TTC21A: variants seen among roughly 807,000 people sequenced by gnomAD.
TTC21A encodes the protein tetratricopeptide repeat domain 21A.
In TTC21A, 128 loss-of-function variants were observed where a neutral mutation model predicts 156.4. That is an observed-to-expected ratio of 0.82 (90% CI 0.71 to 0.95). The LOEUF (loss-of-function observed/expected upper bound fraction) is 0.95. Ranked by LOEUF, TTC21A falls within the 40% of genes least tolerant of loss-of-function variation. The pLI is 0.00. For synonymous variants in TTC21A, 587 were observed against 617.1 expected (o/e 0.95, Z 0.72); for missense variants, 1,435 against 1,602.3 (o/e 0.90, Z 1.78).
intron 6 of TTC21A, 146 bp from the exon 7 acceptor site, chr3:39,117,923 C>A: frequency 1.5e-6 from 1 of 672,802 alleles, no homozygotes; most frequent in South Asian, 1.7e-5. Flanking sequence ...TTATTCTGAG[C>A]AGCTTGTGCC....
chr3:39,125,856 G>A (rs568164363), intron 11 of TTC21A, among the ~76,000 whole-genome samples: 6 of 152,336 alleles, frequency 3.9e-5, no homozygotes, highest in East Asian at 1.9e-4. Context: ...GCCTTTATCC[G>A]AGATGAGAAT....
chr3:39,135,011 A>AC, intron 21 of TTC21A, 82 bp from the exon 22 acceptor site: 4 of 1,169,196 alleles, frequency 3.4e-6, no homozygotes, highest in Non-Finnish European at 3.8e-6. Context: ...TACCACCATC[A>AC]CCCCCATACC....
chr3:39,126,515 CA>C, intron 12 of TTC21A, 125 bp downstream of exon 12: 1 of 1,028,826 alleles, frequency 9.7e-7, no homozygotes, highest in Non-Finnish European at 1.4e-6. Flanking sequence ...CACACACACA[CA>C]CACACTCTCC....
Position 39,107,735 on chromosome 3 carries a change from G to A in TTC21A, c.-103G>A, listed in dbSNP as rs1218436505. 2.6e-6 allele frequency: 4 copies of A among 1,532,350 alleles called. No individual in the cohort carries two copies. Among genetic ancestry groups the A allele is most frequent in the East Asian group, 2.3e-5 (1 of 44,430 alleles). 94.9% of individuals were successfully genotyped at this position (1,532,350 alleles called of 1,614,324 possible). Reference sequence around the variant, plus strand: ...CAGCTCGGTTTCCAAGGACTGTAACGCCTTCAACCGCCCGCCGCGATAGAG... The same window carrying A: ...CAGCTCGGTTTCCAAGGACTGTAACACCTTCAACCGCCCGCCGCGATAGAG... On this transcript the variant is annotated 5_prime_UTR_variant, in exon 1 of 29. Coordinates refer to ENST00000683103, the MANE Select transcript of TTC21A (RefSeq NM_001366900.1).
chr3:39,138,127 TGG>T, intron 26 of TTC21A, 138 bp from the exon 27 acceptor site: 1 of 1,309,102 alleles, frequency 7.6e-7, no homozygotes, highest in Non-Finnish European at 1.1e-6. Context: ...GGGGTACCCC[TGG>T]GGTCCCTTGG....
intron 20 of TTC21A, among the ~76,000 whole-genome samples, chr3:39,133,442 C>G (rs866354988): frequency 6.6e-6 from 1 of 152,222 alleles, no homozygotes; most frequent in Non-Finnish European, 1.5e-5. Flanking sequence ...CCTGCTGCAG[C>G]CCTTGGAGCA....
Position 39,121,182 on chromosome 3 carries a change from T to C in TTC21A, c.1086T>C (p.Gly362=). Residue 362 remains glycine (G), a synonymous_variant, in exon 9 of 29, where the codon GGT becomes GGC. Coordinates refer to ENST00000683103, the MANE Select transcript of TTC21A (RefSeq NM_001366900.1). The stretch of plus-strand genomic sequence containing the variant: ...AACTGGACAAGGATGGCATGGCTGG[T>C]TTGACAGGTATATGCAGGTGTGGCA... ...AMKLDKDGMA[G]LTGIILCHIL... is the part of the protein sequence containing the mutation. 1 of 1,611,516 alleles carries C rather than the reference T, an allele frequency of 6.2e-7. No individual in the cohort carries two copies. The highest frequency in any genetic ancestry group is 2.2e-5 in the East Asian group (1 of 44,780).
At chr3:39,122,260 G>A (rs1460569200) in intron 9 of TTC21A, among the ~76,000 whole-genome samples, 3 of 151,714 alleles carry the variant, frequency 2.0e-5, no homozygotes, top group Non-Finnish European at 4.4e-5. Flanking sequence ...GATATGAGCC[G>A]AGATGACACC....
At chr3:39,136,206 C>T (rs1038822540) in intron 22 of TTC21A, 151 bp from the exon 23 acceptor site, 1 of 693,832 alleles carries the variant, frequency 1.4e-6, no homozygotes, top group Admixed American at 2.9e-5. Context: ...TTTACTCAAC[C>T]CTGGAGACCA....
At chr3:39,110,771 T>C in intron 3 of TTC21A, 80 bp from the exon 4 acceptor site, 1 of 1,528,908 alleles carries the variant, frequency 6.5e-7, no homozygotes, top group South Asian at 1.1e-5. Context: ...GGTAGTTCCC[T>C]GGGCCCTCGG....
intron 5 of TTC21A, 44 bp downstream of exon 5, chr3:39,112,624 C>A: frequency 6.2e-7 from 1 of 1,605,758 alleles, no homozygotes; most frequent in Admixed American, 1.7e-5. Context: ...CCTGGCCAGG[C>A]CACTGGAACC....
At position 39,136,755 on chromosome 3, in the gene TTC21A, G is replaced by A. The variant is rs71323699; in HGVS notation, c.3096-144G>A. The stretch of plus-strand genomic sequence containing the variant: ...CAGCCTGCATCCAACACACAGGTCC[G>A]ACGCCCGCATCTCCTCCAGGGGAGC... On this transcript the variant is annotated intron_variant, in intron 23 of 28. Transcript: ENST00000683103. The A allele has an allele frequency of 5.6e-3, 6,414 of 1,137,318 alleles. 33 individuals carry two copies. Among genetic ancestry groups the A allele is most frequent in the Non-Finnish European group, 7.0e-3 (5,648 of 807,690 alleles). 70.5% of individuals were successfully genotyped at this position (1,137,318 alleles called of 1,614,324 possible).
Position 39,114,732 on chromosome 3 carries a change from A to G in TTC21A, c.706A>G (p.Met236Val), listed in dbSNP as rs1462738324. ...ARQDWEQTVE[M>V]GHRILEKDES... is the part of the protein sequence containing the mutation. ...GCAGGACTGGGAGCAGACAGTAGAA[A>G]TGGGACACAGGTGAGCTACTGCACA... Residue 236 changes from methionine (M) to valine (V), a missense_variant, in exon 6 of 29, where the codon ATG becomes GTG. By Grantham distance (21) the Met-to-Val change is conservative. Transcript: ENST00000683103. The G allele has an allele frequency of 1.6e-5, 26 of 1,614,104 alleles. No homozygotes were observed. Among genetic ancestry groups the G allele is most frequent in the Non-Finnish European group, 2.1e-5 (25 of 1,180,032 alleles).
At chr3:39,129,985 G>C in intron 15 of TTC21A, 94 bp from the exon 16 acceptor site, 1 of 1,261,486 alleles carries the variant, frequency 7.9e-7, no homozygotes, top group South Asian at 1.3e-5. Context: ...ATGAATGTCA[G>C]CCAGAATCAG....
At position 39,132,875 on chromosome 3, in the gene TTC21A, G is replaced by A. The variant is rs527785160; in HGVS notation, c.2563-177G>A. The A allele has an allele frequency of 8.6e-5, 55 of 636,008 alleles. 1 individual carries two copies. The South Asian group carries it at 1.1e-3, about 12-fold the overall frequency. 39.4% of individuals were successfully genotyped at this position (636,008 alleles called of 1,614,324 possible). ...GCTCCTGCCCCCAGAGGCAGTGCCAGCTTGCCTCATGTGTACTCAGCCAGT... is the reference window on the plus strand; with the variant it reads ...GCTCCTGCCCCCAGAGGCAGTGCCAACTTGCCTCATGTGTACTCAGCCAGT... On this transcript the variant is annotated intron_variant, in intron 19 of 28. Coordinates refer to ENST00000683103, the MANE Select transcript of TTC21A (RefSeq NM_001366900.1).
intron 4 of TTC21A, 49 bp from the exon 5 acceptor site, chr3:39,112,409 A>T: frequency 2.5e-6 from 4 of 1,603,464 alleles, no homozygotes; most frequent in Non-Finnish European, 3.4e-6. Flanking sequence ...GGCTGAGTTG[A>T]TTCTGTGCAG....
intron 15 of TTC21A, among the ~76,000 whole-genome samples, chr3:39,129,665 C>A (rs2038573771): frequency 6.6e-6 from 1 of 152,208 alleles, no homozygotes; most frequent in African/African-American, 2.4e-5. Flanking sequence ...TTCCTCATCC[C>A]TTTCTTCTGG....
At position 39,134,096 on chromosome 3, in the gene TTC21A, G is replaced by C; in HGVS notation, c.2752-122G>C. 1.5e-5 allele frequency: 11 copies of C among 720,370 alleles called. 1 individual carries two copies. In the South Asian group the frequency reaches 1.7e-4, roughly 11 times the overall value. The allele number at this position is 720,370 out of a possible 1,614,324, so 44.6% of individuals were successfully genotyped here. ...GCCAGGACGTTCACGTGGGGAATTC[G>C]AGACATATTTTGAAGGCAGAGCTGA... On this transcript the variant is annotated intron_variant, in intron 20 of 28. Transcript: ENST00000683103. This position sits in a 1 kb window ranked among gnomAD's most constrained non-coding sequence, Gnocchi z 4.6.
chr3:39,132,898 A>C, intron 19 of TTC21A, 154 bp from the exon 20 acceptor site: 3 of 720,526 alleles, frequency 4.2e-6, no homozygotes, highest in Non-Finnish European at 7.0e-6. Context: ...GTACTCAGCC[A>C]GTGGCTTTGC....
Sources: allele counts gnomAD v4.1 joint callset (sites outside exome capture counted in the v4.1 genomes callset), GRCh38; gene constraint gnomAD v4.1.1; non-coding constraint Gnocchi (gnomAD v3.1); transcripts MANE v1.5; gene names NCBI Gene and HGNC (gene_info 2026-07-23, HGNC 2026-07-21).